Variants in TRPC5OS observed in about 807,000 individuals in gnomAD.
TRPC5OS encodes putative uncharacterized protein TRPC5OS.
For missense variants in TRPC5OS, 64 were observed against 79.3 expected (o/e 0.81, Z 0.73); for synonymous variants, 30 against 29.3 (o/e 1.02, Z -0.08).
chrX:111,900,052 A>G (rs1437698280), intron 3 of TRPC5OS, among the ~76,000 whole-genome samples: 1 of 111,519 alleles, frequency 9.0e-6, no homozygotes, highest in African/African-American at 3.3e-5. Flanking sequence ...AAGTGGAGAT[A>G]CTATACAACT....
intron 3 of TRPC5OS, among the ~76,000 whole-genome samples, chrX:111,901,036 G>A (rs1300106741): frequency 9.0e-6 from 1 of 111,352 alleles, no homozygotes; most frequent in Non-Finnish European, 1.9e-5. Context: ...ATGGAAGTGG[G>A]GCAGTAATAG....
intron 1 of TRPC5OS, among the ~76,000 whole-genome samples, chrX:111,894,613 C>CA (rs1236578701): frequency 8.1e-5 from 9 of 111,789 alleles, no homozygotes; most frequent in African/African-American, 2.6e-4. Flanking sequence ...ATTCATATTT[C>CA]ATTCCATTTT....
chrX:111,900,233 C>A (rs1925274349), intron 3 of TRPC5OS, among the ~76,000 whole-genome samples: 1 of 111,577 alleles, frequency 9.0e-6, no homozygotes, highest in Admixed American at 9.5e-5. Flanking sequence ...GAAAACTGGG[C>A]AATAATAGAC....
chrX:111,898,677 G>A (rs945143608), intron 3 of TRPC5OS, among the ~76,000 whole-genome samples: 1 of 110,157 alleles, frequency 9.1e-6, no homozygotes, highest in Admixed American at 9.7e-5. Context: ...TGTATGTGGG[G>A]GTAAGGTGAG....
intron 1 of TRPC5OS, among the ~76,000 whole-genome samples, chrX:111,886,466 C>T (rs1924501685): frequency 9.0e-6 from 1 of 110,994 alleles, no homozygotes; most frequent in Non-Finnish European, 1.9e-5. Flanking sequence ...TCTTTTTTTT[C>T]AGCCTGAGGT....
At chrX:111,885,322 G>A (rs1924428677) in intron 1 of TRPC5OS, among the ~76,000 whole-genome samples, 2 of 112,117 alleles carry the variant, frequency 1.8e-5, no homozygotes, top group African/African-American at 6.5e-5. Context: ...CCTAGTAAGA[G>A]TCTAGTTAAG....
intron 1 of TRPC5OS, among the ~76,000 whole-genome samples, chrX:111,877,424 T>A (rs1332159816): frequency 9.0e-6 from 1 of 111,266 alleles, no homozygotes; most frequent in Non-Finnish European, 1.9e-5. Context: ...TCTGGTTTGC[T>A]TGGGGTTGAG....
At chrX:111,886,313 C>T (rs1924493464) in intron 1 of TRPC5OS, among the ~76,000 whole-genome samples, 1 of 112,261 alleles carries the variant, frequency 8.9e-6, no homozygotes, top group Non-Finnish European at 1.9e-5. Context: ...TTCCATCCGG[C>T]CTACTTCCTC....
intron 1 of TRPC5OS, among the ~76,000 whole-genome samples, chrX:111,888,534 G>GA (rs958980627): frequency 2.5e-4 from 25 of 99,190 alleles, no homozygotes; most frequent in African/African-American, 8.1e-4. Flanking sequence ...AGAAAGAAAA[G>GA]AAAAAAAAAA....
Position 111,902,211 on chromosome X carries a change from G to A in TRPC5OS, c.*26G>A. The stretch of plus-strand genomic sequence containing the variant: ...GACCCAATTTCTGCCCCCGTCCCCA[G>A]GGATGTGAAAACTGATCATTTCTCT... On this transcript the variant is annotated 3_prime_UTR_variant, in exon 4 of 4. Coordinates refer to ENST00000635763, the MANE Select transcript of TRPC5OS (RefSeq NM_001195578.2). 1.0e-6 allele frequency: 1 copy of A among 991,042 alleles called. No individual in the cohort carries two copies. Among genetic ancestry groups the A allele is most frequent in the Middle Eastern group, 2.6e-4 (1 of 3,795 alleles). The allele number at this position is 991,042 out of a possible 1,213,427, so 81.7% of individuals were successfully genotyped here.
At position 111,895,969 on chromosome X, in the gene TRPC5OS, G is replaced by A. The variant is rs1399362134; in HGVS notation, c.-527G>A. 9.0e-6 allele frequency: 1 copy of A among 111,225 alleles called. No homozygotes were observed. The highest frequency in any genetic ancestry group is 2.8e-4 in the East Asian group (1 of 3,545). 9.2% of individuals were successfully genotyped at this position (111,225 alleles called of 1,213,427 possible). On this transcript the variant is annotated 5_prime_UTR_variant, in exon 2 of 4. Coordinates refer to ENST00000635763, the MANE Select transcript of TRPC5OS (RefSeq NM_001195578.2). ...AATCTAGGTAACCTTTTAAGGTGGA[G>A]ACCGGTGGCCTGTTTGGGGCAGTTC...
At position 111,877,621 on chromosome X, in the gene TRPC5OS, G is replaced by A. The variant is rs147213424; in HGVS notation, c.-546+1348G>A. 6.0e-3 allele frequency among the ~76,000 whole-genome samples: 667 copies of A among 111,422 alleles called. 5 individuals carry two copies. Among genetic ancestry groups the A allele is most frequent in the African/African-American group, 0.021 (644 of 30,671 alleles). On this transcript the variant is annotated intron_variant, in intron 1 of 3. Transcript: ENST00000635763. ...CAGCTTGGGGAGTTGCCTATATAGA[G>A]ATGATGGGTAAAACCATAGGAGTTG...
In TRPC5OS at chrX:111,899,379, T is replaced by G. The variant is rs149937044; in HGVS notation, c.-310-2161T>G. On this transcript the variant is annotated intron_variant, in intron 3 of 3. Transcript: ENST00000635763. The stretch of plus-strand genomic sequence containing the variant: ...ATAAATACAATAAAAATTTGATGAA[T>G]CAAATATAATTTATTCCAATTTTTT... Among the ~76,000 whole-genome samples, 676 of 111,591 alleles carry G rather than the reference T, an allele frequency of 6.1e-3. 4 individuals carry two copies. Among genetic ancestry groups the G allele is most frequent in the African/African-American group, 0.021 (635 of 30,720 alleles).
intron 3 of TRPC5OS, among the ~76,000 whole-genome samples, chrX:111,899,017 A>G (rs1032015537): frequency 1.8e-5 from 2 of 110,673 alleles, no homozygotes; most frequent in African/African-American, 3.3e-5. Flanking sequence ...GGAAATTACC[A>G]TAACTGGCAT....
rs760361656 is a variant in TRPC5OS at position 111,903,455 on chromosome X, G to T, written c.*1270G>T. 8.9e-6 allele frequency: 1 copy of T among 112,153 alleles called. No homozygotes were observed. The highest frequency in any genetic ancestry group is 2.8e-4 in the East Asian group (1 of 3,553). 9.2% of individuals were successfully genotyped at this position (112,153 alleles called of 1,213,427 possible). On this transcript the variant is annotated 3_prime_UTR_variant, in exon 4 of 4. Coordinates refer to ENST00000635763, the MANE Select transcript of TRPC5OS (RefSeq NM_001195578.2). The stretch of plus-strand genomic sequence containing the variant: ...GGTTTATGAACAAAGCCCTGTTTTT[G>T]TCTTCTGCAAATTAGCCAACCCTAA...
intron 1 of TRPC5OS, among the ~76,000 whole-genome samples, chrX:111,880,941 T>C (rs1924182251): frequency 9.0e-6 from 1 of 111,502 alleles, no homozygotes; most frequent in African/African-American, 3.3e-5. Context: ...GATAACTAAC[T>C]GTGGAGAGTT....
At chrX:111,899,473 G>A (rs922056098) in intron 3 of TRPC5OS, among the ~76,000 whole-genome samples, 2 of 111,344 alleles carry the variant, frequency 1.8e-5, no homozygotes, top group African/African-American at 3.3e-5. Flanking sequence ...GATAGAGAGG[G>A]TGTGAAATAG....
chrX:111,884,867 C>T (rs1451945296), intron 1 of TRPC5OS, among the ~76,000 whole-genome samples: 3 of 112,363 alleles, frequency 2.7e-5, no homozygotes, highest in Non-Finnish European at 5.6e-5. Context: ...TAACCTGGAC[C>T]CAGTTAAGGC....
chrX:111,877,721 T>C, intron 1 of TRPC5OS, among the ~76,000 whole-genome samples: 1 of 110,736 alleles, frequency 9.0e-6, no homozygotes, highest in East Asian at 2.8e-4. Flanking sequence ...AGAAGGGACA[T>C]AAATGAATGA....
Sources: allele counts gnomAD v4.1 joint callset (sites outside exome capture counted in the v4.1 genomes callset), GRCh38; gene constraint gnomAD v4.1.1; transcripts MANE v1.5; gene names NCBI Gene and HGNC (gene_info 2026-07-23, HGNC 2026-07-21).